Variants in PPP1R12B observed in about 807,000 individuals in gnomAD.
The protein encoded by PPP1R12B is myosin phosphatase target subunit 2.
PPP1R12B carries 76 observed loss-of-function variants against 126.1 expected under a neutral mutation model. The observed-to-expected ratio is 0.60, with a 90% CI of 0.50 to 0.73. PPP1R12B has a LOEUF of 0.73. PPP1R12B is among the 30% of genes least tolerant of loss of function. PPP1R12B has a pLI of 0.00. For missense variants in PPP1R12B, 1,052 were observed against 1,205.1 expected, an observed-to-expected ratio of 0.87 and a Z score of 1.88; for synonymous variants, 356 against 434.7, an observed-to-expected ratio of 0.82 and a Z score of 2.25.
intron 18 of PPP1R12B, among the ~76,000 whole-genome samples, chr1:202,555,663 G>A (rs531350656): frequency 1.6e-4 from 24 of 152,128 alleles, no homozygotes; most frequent in Non-Finnish European, 3.4e-4. Context: ...TACCTAAGAC[G>A]ATGTGGAAAG....
At chr1:202,526,155 A>G (rs1413054669) in intron 18 of PPP1R12B, among the ~76,000 whole-genome samples, 3 of 152,244 alleles carry the variant, frequency 2.0e-5, no homozygotes, top group Non-Finnish European at 4.4e-5. Flanking sequence ...TTGACTTCAA[A>G]TAGAAGCATG....
intron 13 of PPP1R12B, among the ~76,000 whole-genome samples, chr1:202,484,347 A>G (rs1465226656): frequency 2.0e-5 from 3 of 152,200 alleles, no homozygotes; most frequent in Non-Finnish European, 4.4e-5. Context: ...GAATGTTTTA[A>G]GCTGATAGCA....
intron 13 of PPP1R12B, among the ~76,000 whole-genome samples, chr1:202,469,664 C>T (rs949457351): frequency 2.6e-5 from 4 of 151,910 alleles, no homozygotes; most frequent in African/African-American, 9.7e-5. Flanking sequence ...CATATGTAAA[C>T]TTACCTCAGG....
In PPP1R12B at chr1:202,454,419, C is replaced by T. The variant is rs78180479; in HGVS notation, c.1850+5248C>T. ...CATTCACTGGATATGTTCTAGCATT[C>T]ATTCATCTTCAAAATACTTACTGAA... is the stretch of plus-strand genomic sequence containing the variant. On this transcript the variant is annotated intron_variant, in intron 13 of 23. Transcript: ENST00000608999. Among the ~76,000 whole-genome samples the T allele has an allele frequency of 5.8e-3, 888 of 152,314 alleles. 13 individuals are homozygous for T. The highest frequency in any genetic ancestry group is 0.021 in the African/African-American group (855 of 41,570).
chr1:202,402,726 A>G (rs758694547), intron 1 of PPP1R12B, among the ~76,000 whole-genome samples: 2 of 152,202 alleles, frequency 1.3e-5, no homozygotes, highest in African/African-American at 2.4e-5. Context: ...TTTTCTGTCC[A>G]AGGGGTCAGA....
chr1:202,577,958 C>T (rs1371841736), intron 23 of PPP1R12B, among the ~76,000 whole-genome samples: 1 of 152,184 alleles, frequency 6.6e-6, no homozygotes, highest in African/African-American at 2.4e-5. Flanking sequence ...ATACTTATAT[C>T]GTACTTTCAC....
intron 1 of PPP1R12B, among the ~76,000 whole-genome samples, chr1:202,371,173 A>G (rs966601246): frequency 2.1e-5 from 3 of 139,782 alleles, no homozygotes; most frequent in Admixed American, 7.2e-5. Flanking sequence ...GCACCACCAC[A>G]CCCAGCTATT....
chr1:202,526,782 A>G (rs965188260), intron 18 of PPP1R12B, among the ~76,000 whole-genome samples: 17 of 152,214 alleles, frequency 1.1e-4, no homozygotes, highest in African/African-American at 4.1e-4. Flanking sequence ...TAATGGCAAC[A>G]AAAAGTTAGC....
chr1:202,449,954 G>C (rs1202115433), intron 13 of PPP1R12B, among the ~76,000 whole-genome samples: 1 of 152,198 alleles, frequency 6.6e-6, no homozygotes, highest in South Asian at 2.1e-4. Context: ...CCAAAGTGCT[G>C]GGATTACAGG....
intron 13 of PPP1R12B, among the ~76,000 whole-genome samples, chr1:202,472,525 C>G (rs1676063447): frequency 6.6e-6 from 1 of 152,138 alleles, no homozygotes; most frequent in Admixed American, 6.6e-5. Context: ...TTGTTCTGAC[C>G]AGTGAACTAA....
chr1:202,414,538 T>C (rs1458442616), intron 1 of PPP1R12B, among the ~76,000 whole-genome samples: 1 of 152,206 alleles, frequency 6.6e-6, no homozygotes, highest in African/African-American at 2.4e-5. Context: ...AAGTGAATAC[T>C]GGGATGCTGT....
intron 1 of PPP1R12B, among the ~76,000 whole-genome samples, chr1:202,401,361 A>ATTTTTTTTTTTTTTTT (rs34810265): frequency 2.8e-5 from 2 of 71,426 alleles, no homozygotes; most frequent in East Asian, 3.9e-4. Context: ...GGCTAATTTA[A>ATTTTTTTTTTTTTTTT]TTTTTTTTTT....
intron 13 of PPP1R12B, among the ~76,000 whole-genome samples, chr1:202,465,604 C>A (rs2148770455): frequency 6.6e-6 from 1 of 152,184 alleles, no homozygotes; most frequent in South Asian, 2.1e-4. Context: ...AGTTCCAGAG[C>A]CTTGGGCAGG....
chr1:202,577,460 A>G (rs982142841), intron 23 of PPP1R12B, among the ~76,000 whole-genome samples: 1 of 152,216 alleles, frequency 6.6e-6, no homozygotes, highest in African/African-American at 2.4e-5. Context: ...GCAAACCCTA[A>G]GATACTTATT....
intron 14 of PPP1R12B, among the ~76,000 whole-genome samples, chr1:202,489,312 G>A (rs931803787): frequency 6.6e-6 from 1 of 152,186 alleles, no homozygotes; most frequent in Non-Finnish European, 1.5e-5. Context: ...AGGGAAAAGA[G>A]TTTGGCAATT....
chr1:202,395,787 G>A (rs1177641317), intron 1 of PPP1R12B, among the ~76,000 whole-genome samples: 6 of 151,890 alleles, frequency 4.0e-5, no homozygotes, highest in East Asian at 1.9e-4. Flanking sequence ...CCCTAAACTC[G>A]TTACCTCTCT....
intron 18 of PPP1R12B, among the ~76,000 whole-genome samples, chr1:202,545,880 T>TA (rs1325307376): frequency 6.6e-6 from 1 of 152,152 alleles, no homozygotes; most frequent in African/African-American, 2.4e-5. Context: ...GAACAAAAGA[T>TA]ATATTTAGAA....
intron 18 of PPP1R12B, among the ~76,000 whole-genome samples, chr1:202,538,408 CA>C (rs982802028): frequency 1.3e-5 from 2 of 152,190 alleles, no homozygotes; most frequent in African/African-American, 4.8e-5. Flanking sequence ...GATTCATTCT[CA>C]ATCTAAAAGA....
At chr1:202,358,758 C>T (rs1300904633) in intron 1 of PPP1R12B, among the ~76,000 whole-genome samples, 2 of 150,888 alleles carry the variant, frequency 1.3e-5, no homozygotes, top group African/African-American at 2.4e-5. Flanking sequence ...ATGAAATATT[C>T]TACTTCATTA....
Sources: allele counts gnomAD v4.1 joint callset (sites outside exome capture counted in the v4.1 genomes callset), GRCh38; gene constraint gnomAD v4.1.1; transcripts MANE v1.5; gene names NCBI Gene and HGNC (gene_info 2026-07-23, HGNC 2026-07-21).